CCDC171: variants seen among roughly 807,000 people sequenced by gnomAD.
CCDC171 encodes coiled-coil domain containing 171, also known as coiled-coil domain-containing protein 171.
CCDC171 carries 177 observed loss-of-function variants against 168.2 expected under a neutral mutation model. The observed-to-expected ratio is 1.05, with a 90% CI of 0.93 to 1.19. The LOEUF is 1.19. CCDC171 is among the 50% of genes most tolerant of loss of function. The pLI, the probability that CCDC171 is intolerant of heterozygous loss-of-function variation, is 0.00. For synonymous variants in CCDC171, 687 were observed against 540.8 expected, an observed-to-expected ratio of 1.27 and a Z score of -3.75; for missense variants, 1,991 against 1,539.0, an observed-to-expected ratio of 1.29 and a Z score of -4.91.
intron 6 of CCDC171, among the ~76,000 whole-genome samples, chr9:16,033,432 C>G (rs1274068666): frequency 6.6e-6 from 1 of 152,168 alleles, no homozygotes; most frequent in Non-Finnish European, 1.5e-5. Flanking sequence ...GGAGCGCAAG[C>G]CCTGTTGTAA....
chr9:15,890,794 A>T (rs1003689432), intron 24 of CCDC171, among the ~76,000 whole-genome samples: 7 of 152,076 alleles, frequency 4.6e-5, no homozygotes, highest in African/African-American at 1.7e-4. Flanking sequence ...TATTTTTTTC[A>T]GAGTGATATA....
At chr9:15,845,649 C>T (rs2060864261) in intron 21 of CCDC171, 2 of 151,842 alleles carry the variant, frequency 1.3e-5, no homozygotes, top group South Asian at 4.2e-4. Context: ...ATATTTGAAG[C>T]ACAGTGTGGA....
intron 2 of CCDC171, among the ~76,000 whole-genome samples, chr9:15,565,042 G>A (rs1270313341): frequency 6.7e-6 from 1 of 150,262 alleles, no homozygotes; most frequent in East Asian, 1.9e-4. Flanking sequence ...TAATTTACCC[G>A]TAAATTTGTT....
chr9:15,956,798 A>T (rs552121148), intron 25 of CCDC171, among the ~76,000 whole-genome samples: 93 of 152,288 alleles, frequency 6.1e-4, no homozygotes, highest in South Asian at 3.5e-3. Flanking sequence ...TTATGAGTAG[A>T]GGCTGAATTC....
Position 15,907,387 on chromosome 9 carries a change from G to C in CCDC171, c.3601-12883G>C, listed in dbSNP as rs572064814. On this transcript the variant is annotated intron_variant, in intron 24 of 25. Transcript: ENST00000380701. ...CAACCATCTGATCTTTGACAAACCT[G>C]ACAAAAACAAGAAATGGGGAAACGA... Among the ~76,000 whole-genome samples, 7 of 152,242 alleles carry C rather than the reference G, an allele frequency of 4.6e-5. No homozygotes were observed. The East Asian group carries it at 5.8e-4, about 13-fold the overall frequency.
intron 24 of CCDC171, among the ~76,000 whole-genome samples, chr9:15,881,505 T>C (rs1312277640): frequency 1.3e-5 from 2 of 152,224 alleles, no homozygotes; most frequent in African/African-American, 4.8e-5. Flanking sequence ...CTTCTAGCTA[T>C]TTAAAAATAC....
the CCDC171 span, among the ~76,000 whole-genome samples, chr9:16,102,357 G>A: frequency 6.6e-6 from 1 of 152,122 alleles, no homozygotes; most frequent in Admixed American, 6.5e-5. Context: ...GATTGCGGGG[G>A]ATGAGCTTGT....
intron 1 of CCDC171, among the ~76,000 whole-genome samples, chr9:15,554,962 T>G (rs4740614): frequency 6.6e-6 from 1 of 151,872 alleles, no homozygotes; most frequent in African/African-American, 2.4e-5. Context: ...GAATTTCTAT[T>G]TTTTCATCCA....
chr9:15,844,316 G>T (rs1019046942), intron 21 of CCDC171, among the ~76,000 whole-genome samples: 1 of 151,800 alleles, frequency 6.6e-6, no homozygotes, highest in Non-Finnish European at 1.5e-5. Context: ...TATGTGATGT[G>T]TATATGTATG....
intron 25 of CCDC171, among the ~76,000 whole-genome samples, chr9:15,963,096 C>T (rs552172907): frequency 6.6e-6 from 1 of 152,158 alleles, no homozygotes; most frequent in South Asian, 2.1e-4. Context: ...TTGTTTAGCA[C>T]CACATGTTCT....
chr9:15,899,935 G>A (rs1159569638), intron 24 of CCDC171, among the ~76,000 whole-genome samples: 1 of 151,834 alleles, frequency 6.6e-6, no homozygotes, highest in African/African-American at 2.4e-5. Flanking sequence ...TACCAAGCTC[G>A]AGATCCCAAA....
intron 10 of CCDC171, among the ~76,000 whole-genome samples, chr9:15,692,107 G>A (rs2050843996): frequency 6.6e-6 from 1 of 152,182 alleles, no homozygotes; most frequent in Admixed American, 6.5e-5. Context: ...CAGGTGTGGT[G>A]GCTCACGCCT....
intron 11 of CCDC171, among the ~76,000 whole-genome samples, chr9:15,698,144 A>G (rs188555104): frequency 3.3e-5 from 5 of 152,214 alleles, no homozygotes; most frequent in Admixed American, 6.5e-5. Flanking sequence ...CCTCTCTTCA[A>G]TACCATCCTC....
At chr9:15,961,008 G>A (rs371011974) in intron 25 of CCDC171, among the ~76,000 whole-genome samples, 105 of 151,288 alleles carry the variant, frequency 6.9e-4, no homozygotes, top group African/African-American at 2.3e-3. Context: ...GGAAGGGAGG[G>A]GCATGCAAAA....
At chr9:15,817,121 G>A (rs10756707) in intron 21 of CCDC171, among the ~76,000 whole-genome samples, 100,771 of 115,914 alleles carry the variant, frequency 0.87, 47,766 homozygotes, top group East Asian at 0.98. Context: ...GGCATTGGCT[G>A]TCATTAGGTG....
At chr9:16,093,225 A>G in the CCDC171 span, among the ~76,000 whole-genome samples, 2 of 152,182 alleles carry the variant, frequency 1.3e-5, no homozygotes, top group African/African-American at 4.8e-5. Flanking sequence ...GGAAAACTCA[A>G]CCGGAGGTTG....
chr9:16,049,852 T>G (rs550759469), intron 1 of CCDC171, among the ~76,000 whole-genome samples: 1 of 152,324 alleles, frequency 6.6e-6, no homozygotes, highest in East Asian at 1.9e-4. Flanking sequence ...AATATAGATT[T>G]GATATCAGGG....
chr9:15,623,205 A>G, intron 6 of CCDC171, 62 bp from the exon 7 acceptor site: 1 of 1,229,730 alleles, frequency 8.1e-7, no homozygotes. Flanking sequence ...CTTCTATTGG[A>G]GTGACTCTTA....
At chr9:15,825,150 T>A (rs1017006428) in intron 21 of CCDC171, among the ~76,000 whole-genome samples, 1 of 152,144 alleles carries the variant, frequency 6.6e-6, no homozygotes, top group Non-Finnish European at 1.5e-5. Context: ...TTTTCTAGTT[T>A]ACACTATTAG....
Sources: allele counts gnomAD v4.1 joint callset (sites outside exome capture counted in the v4.1 genomes callset), GRCh38; gene constraint gnomAD v4.1.1; transcripts MANE v1.5; gene names NCBI Gene and HGNC (gene_info 2026-07-23, HGNC 2026-07-21).